Variants in KCNU1 observed in about 807,000 individuals in gnomAD.
KCNU1 encodes potassium channel subfamily U member 1.
KCNU1 carries 93 observed loss-of-function variants against 126.8 expected under a neutral mutation model. That is an observed-to-expected ratio of 0.73 (90% CI 0.62 to 0.87). The LOEUF is 0.87. Ranked by LOEUF, KCNU1 falls within the 40% of genes least tolerant of loss-of-function variation. KCNU1 has a pLI of 0.00. For missense variants in KCNU1, 1,330 were observed against 1,367.1 expected (o/e 0.97, Z 0.43); for synonymous variants, 523 against 494.2 (o/e 1.06, Z -0.77).
intron 2 of KCNU1, among the ~76,000 whole-genome samples, chr8:36,794,954 AC>A (rs199916533): frequency 5.3e-5 from 8 of 151,758 alleles, no homozygotes; most frequent in African/African-American, 1.7e-4. Flanking sequence ...ACAAAACAAA[AC>A]AAAAACATAA....
At chr8:36,812,689 A>G (rs918810338) in intron 7 of KCNU1, among the ~76,000 whole-genome samples, 1 of 152,156 alleles carries the variant, frequency 6.6e-6, no homozygotes, top group African/African-American at 2.4e-5. Flanking sequence ...CCTTAACTAT[A>G]TTTCCCACCT....
At chr8:36,904,343 G>A (rs993364343) in intron 19 of KCNU1, among the ~76,000 whole-genome samples, 5 of 152,150 alleles carry the variant, frequency 3.3e-5, no homozygotes, top group Non-Finnish European at 7.3e-5. Context: ...GCTTCTCATT[G>A]CCTGGCCTGT....
At chr8:36,815,280 C>T (rs375575843) in intron 8 of KCNU1, among the ~76,000 whole-genome samples, 133 of 152,004 alleles carry the variant, frequency 8.7e-4, no homozygotes, top group African/African-American at 2.3e-3. Flanking sequence ...CACCCCAGCC[C>T]GGGAGACAGA....
At chr8:36,801,526 CA>C (rs2130391537) in intron 2 of KCNU1, among the ~76,000 whole-genome samples, 1 of 151,622 alleles carries the variant, frequency 6.6e-6, no homozygotes, top group South Asian at 2.1e-4. Flanking sequence ...ATCATCTTTC[CA>C]GAAATCTGTC....
intron 24 of KCNU1, among the ~76,000 whole-genome samples, chr8:36,923,439 T>C (rs1162088345): frequency 1.3e-5 from 2 of 152,168 alleles, no homozygotes; most frequent in African/African-American, 4.8e-5. Context: ...CATTGCCTTC[T>C]CAGGGAAGGC....
intron 18 of KCNU1, 49 bp from the exon 19 acceptor site, chr8:36,864,355 C>A: frequency 8.9e-7 from 1 of 1,128,984 alleles, no homozygotes; most frequent in Non-Finnish European, 1.4e-6. Flanking sequence ...TTCCAACAAT[C>A]CCTTGTGAAG....
intron 19 of KCNU1, among the ~76,000 whole-genome samples, chr8:36,893,023 A>T (rs955125537): frequency 6.6e-6 from 1 of 152,136 alleles, no homozygotes; most frequent in Non-Finnish European, 1.5e-5. Context: ...ATGCAGTGGC[A>T]TGATCTCAGC....
intron 18 of KCNU1, among the ~76,000 whole-genome samples, chr8:36,852,601 A>G (rs888361871): frequency 3.3e-5 from 5 of 152,106 alleles, no homozygotes; most frequent in Admixed American, 6.5e-5. Context: ...CTTTCTACCA[A>G]TTTGTTCATT....
intron 23 of KCNU1, among the ~76,000 whole-genome samples, chr8:36,920,769 C>A (rs754802466): frequency 4.6e-5 from 7 of 152,262 alleles, no homozygotes; most frequent in Non-Finnish European, 1.0e-4. Context: ...GCTCACAATG[C>A]AGGGAGAGAA....
At chr8:36,854,340 T>A (rs1805455999) in intron 18 of KCNU1, among the ~76,000 whole-genome samples, 1 of 152,158 alleles carries the variant, frequency 6.6e-6, no homozygotes, top group Non-Finnish European at 1.5e-5. Flanking sequence ...CCTGGATCTT[T>A]CATTAAATCC....
At chr8:36,914,433 T>C (rs191796790) in intron 22 of KCNU1, among the ~76,000 whole-genome samples, 9 of 152,320 alleles carry the variant, frequency 5.9e-5, no homozygotes, top group African/African-American at 1.9e-4. Flanking sequence ...ATGTCAGCAG[T>C]ACCAAGGTGG....
intron 2 of KCNU1, among the ~76,000 whole-genome samples, chr8:36,793,508 A>G (rs1444102010): frequency 6.6e-6 from 1 of 152,072 alleles, no homozygotes; most frequent in Non-Finnish European, 1.5e-5. Flanking sequence ...CCAGAAAAAA[A>G]TATATAAAAT....
chr8:36,793,511 T>C (rs1185421246), intron 2 of KCNU1, among the ~76,000 whole-genome samples: 2 of 152,162 alleles, frequency 1.3e-5, no homozygotes, highest in African/African-American at 2.4e-5. Flanking sequence ...GAAAAAAATA[T>C]ATAAAATAAT....
chr8:36,794,055 CAAAAAAAAAAAAA>C (rs747930765), intron 2 of KCNU1, among the ~76,000 whole-genome samples: 5 of 64,980 alleles, frequency 7.7e-5, no homozygotes, highest in African/African-American at 2.5e-4. Flanking sequence ...CTCTGTCTCT[CAAAAAAAAAAAAA>C]AAAAAAAAAG....
Position 36,931,085 on chromosome 8 carries a change from A to C in KCNU1, c.2871A>C (p.Gly957=), listed in dbSNP as rs746869112. 2 of 1,611,856 alleles carry C rather than the reference A, an allele frequency of 1.2e-6. No individual in the cohort carries two copies. Among genetic ancestry groups the C allele is most frequent in the South Asian group, 1.1e-5 (1 of 90,668 alleles). The change falls in exon 25 of 27, where the codon GGA becomes GGC. Residue 957 remains glycine, a synonymous_variant. Coordinates refer to ENST00000399881, the MANE Select transcript of KCNU1 (RefSeq NM_001031836.3). ...ATAGCTGCACGTCGCTCTTGTCTGGAAGAAACCGGTGTAAGCTGGGGCTTC... is the reference window on the plus strand; with the variant it reads ...ATAGCTGCACGTCGCTCTTGTCTGGCAGAAACCGGTGTAAGCTGGGGCTTC... The part of the protein sequence containing the change: ...VADSCTSLLS[G]RNRCKLGLLS...
In KCNU1 at chr8:36,922,578, T is replaced by A. The variant is rs372418835; in HGVS notation, c.2685T>A (p.Phe895Leu). The A allele has an allele frequency of 4.3e-6, 7 of 1,613,632 alleles. No homozygotes were observed. Among genetic ancestry groups the A allele is most frequent in the Non-Finnish European group, 5.9e-6 (7 of 1,179,772 alleles). ...QETNLHLSTA[F>L]STGTVFSGSF... The stretch of plus-strand genomic sequence containing the variant: ...CAAATCTGCATCTCAGCACTGCCTT[T>A]TCTACGGGCACTGTTTTTTCCGGCA... Residue 895 changes from phenylalanine to leucine, a missense_variant, in exon 24 of 27, where the codon TTT becomes TTA. By Grantham distance (22) the Phe-to-Leu change is conservative (BLOSUM62 0). Coordinates refer to ENST00000399881, the MANE Select transcript of KCNU1 (RefSeq NM_001031836.3).
chr8:36,841,300 G>T (rs1007628837), intron 16 of KCNU1, among the ~76,000 whole-genome samples: 1 of 151,988 alleles, frequency 6.6e-6, no homozygotes, highest in Non-Finnish European at 1.5e-5. Context: ...TCTCAAATCT[G>T]TTTCTCTTAA....
intron 19 of KCNU1, among the ~76,000 whole-genome samples, chr8:36,899,410 G>C (rs1807328207): frequency 1.3e-5 from 2 of 151,952 alleles, no homozygotes; most frequent in Non-Finnish European, 2.9e-5. Context: ...GCTCACAGCT[G>C]ATCTTGTTTA....
Position 36,905,722 on chromosome 8 carries a change from A to G in KCNU1, c.2024A>G (p.Asp675Gly). ...SNFTTRTLQHDVEQDSDQLDS... is the reference protein window; with the variant it reads ...SNFTTRTLQHGVEQDSDQLDS... Reference sequence around the variant, plus strand: ...TTCCTATTTAGGACTCTTCAACATGATGTAGAACAAGATTCTGACCAGCTT... The same window carrying G: ...TTCCTATTTAGGACTCTTCAACATGGTGTAGAACAAGATTCTGACCAGCTT... Residue 675 changes from aspartate (D) to glycine (G), a missense_variant, in exon 20 of 27, where the codon GAT (aspartate) becomes GGT (glycine). Around this residue, in one of 3 missense-constraint regions of KCNU1, gnomAD observed 1,054 missense variants for 1,053.9 expected, o/e 1.00. Transcript: ENST00000399881. 1 of 1,593,032 alleles carries G rather than the reference A, an allele frequency of 6.3e-7. No homozygotes were observed. The highest frequency in any genetic ancestry group is 8.6e-7 in the Non-Finnish European group (1 of 1,161,204).
Sources: allele counts gnomAD v4.1 joint callset (sites outside exome capture counted in the v4.1 genomes callset), GRCh38; gene constraint gnomAD v4.1.1; regional missense constraint gnomAD v4.1.1; transcripts MANE v1.5; gene names NCBI Gene and HGNC (gene_info 2026-07-23, HGNC 2026-07-21).